Variants in ZC3H12B observed in about 807,000 individuals in gnomAD.
The protein encoded by ZC3H12B is probable ribonuclease ZC3H12B.
A neutral mutation model predicts 43.9 loss-of-function variants in ZC3H12B; 7 were observed. The observed-to-expected ratio is 0.16, with a 90% CI of 0.09 to 0.30. The LOEUF is 0.30. Among genes scored for constraint, ZC3H12B ranks in the 10% least tolerant of loss-of-function variants. The pLI, the probability that ZC3H12B is intolerant of heterozygous loss-of-function variation, is 1.00. For synonymous variants in ZC3H12B, 222 were observed against 241.7 expected (o/e 0.92, Z 0.76); for missense variants, 475 against 670.2 (o/e 0.71, Z 3.22).
the ZC3H12B span, chrX:65,272,810 A>C: frequency 3.6e-5 from 4 of 112,301 alleles, no homozygotes; most frequent in Non-Finnish European, 7.5e-5. Context: ...CTAGCTAAAA[A>C]CACTGGCCTG....
the ZC3H12B span, among the ~76,000 whole-genome samples, chrX:65,329,319 A>C: frequency 9.0e-6 from 1 of 110,969 alleles, no homozygotes; most frequent in East Asian, 2.8e-4. Context: ...GCATTTTTTC[A>C]TGTGTCTGTT....
At chrX:65,302,635 G>T in the ZC3H12B span, among the ~76,000 whole-genome samples, 1 of 111,883 alleles carries the variant, frequency 8.9e-6, no homozygotes, top group Non-Finnish European at 1.9e-5. Context: ...CCAGGAAGTT[G>T]TTTTATGAAT....
chrX:65,439,414 C>T (rs2067272651), intron 3 of ZC3H12B, among the ~76,000 whole-genome samples: 1 of 111,592 alleles, frequency 9.0e-6, no homozygotes, highest in Non-Finnish European at 1.9e-5. Context: ...ATCTAAACAT[C>T]CCCTTATGGG....
intron 3 of ZC3H12B, among the ~76,000 whole-genome samples, chrX:65,455,624 G>C (rs1417015494): frequency 1.8e-5 from 2 of 111,310 alleles, no homozygotes; most frequent in African/African-American, 6.6e-5. Flanking sequence ...GAAATACAGA[G>C]AATGCCACAA....
At chrX:65,468,650 A>ATTTTTTTTTTTTT (rs60716703) in intron 3 of ZC3H12B, among the ~76,000 whole-genome samples, 1 of 74,934 alleles carries the variant, frequency 1.3e-5, no homozygotes, top group African/African-American at 6.0e-5. Context: ...TGCCCGGCTA[A>ATTTTTTTTTTTTT]TTTTTTTTTT....
chrX:65,331,681 A>T, the ZC3H12B span, among the ~76,000 whole-genome samples: 1 of 110,966 alleles, frequency 9.0e-6, no homozygotes, highest in Non-Finnish European at 1.9e-5. Flanking sequence ...GAGCTGTTCA[A>T]CTGAAGATAT....
At chrX:65,093,895 G>C in the ZC3H12B span, among the ~76,000 whole-genome samples, 1 of 110,961 alleles carries the variant, frequency 9.0e-6, no homozygotes, top group African/African-American at 3.3e-5. Flanking sequence ...CAGGTGATTT[G>C]GGAGGGGCCT....
At chrX:65,327,432 A>T in the ZC3H12B span, among the ~76,000 whole-genome samples, 102 of 111,605 alleles carry the variant, frequency 9.1e-4, no homozygotes, top group African/African-American at 3.2e-3. Flanking sequence ...TGTGTCTATT[A>T]TGTTAAAATT....
chrX:65,151,916 G>T, the ZC3H12B span, among the ~76,000 whole-genome samples: 1 of 111,790 alleles, frequency 8.9e-6, no homozygotes, highest in Non-Finnish European at 1.9e-5. Context: ...GGGAGGCAAG[G>T]CTGGTTCAAT....
the ZC3H12B span, among the ~76,000 whole-genome samples, chrX:65,332,322 G>C: frequency 0.083 from 9,133 of 110,660 alleles, 1,024 homozygotes; most frequent in African/African-American, 0.29. Flanking sequence ...GGTATGTCCA[G>C]GGGCATGCTT....
chrX:65,329,988 C>A, the ZC3H12B span, among the ~76,000 whole-genome samples: 3 of 112,074 alleles, frequency 2.7e-5, no homozygotes, highest in Non-Finnish European at 5.6e-5. Flanking sequence ...AACATGATGC[C>A]TCCAGCTTTG....
chrX:65,141,187 A>T, the ZC3H12B span, among the ~76,000 whole-genome samples: 25 of 110,742 alleles, frequency 2.3e-4, no homozygotes, highest in Non-Finnish European at 4.4e-4. Flanking sequence ...GGCATTAATT[A>T]CTAAAAGCTT....
At chrX:65,146,516 T>C in the ZC3H12B span, among the ~76,000 whole-genome samples, 1 of 111,574 alleles carries the variant, frequency 9.0e-6, no homozygotes, top group Non-Finnish European at 1.9e-5. Flanking sequence ...GTGTGATTTT[T>C]GGGGGGTGTT....
the ZC3H12B span, among the ~76,000 whole-genome samples, chrX:65,217,692 CA>C: frequency 9.0e-6 from 1 of 111,341 alleles, no homozygotes; most frequent in African/African-American, 3.3e-5. Context: ...CTTCCAACAG[CA>C]AAGTTAATCA....
At chrX:65,397,180 G>A (rs1037566545) in intron 2 of ZC3H12B, among the ~76,000 whole-genome samples, 2 of 111,547 alleles carry the variant, frequency 1.8e-5, no homozygotes, top group Non-Finnish European at 3.8e-5. Context: ...TTTAATTTGG[G>A]CATTTAGCCC....
At chrX:65,390,140 G>A (rs747429702) in intron 2 of ZC3H12B, among the ~76,000 whole-genome samples, 1 of 110,953 alleles carries the variant, frequency 9.0e-6, no homozygotes, top group African/African-American at 3.3e-5. Context: ...ATCATTTTGA[G>A]CAAACTATTG....
At chrX:65,173,930 G>C in the ZC3H12B span, among the ~76,000 whole-genome samples, 1 of 111,144 alleles carries the variant, frequency 9.0e-6, no homozygotes, top group Non-Finnish European at 1.9e-5. Flanking sequence ...TCTTATGTGG[G>C]GGTCCTTTTT....
the ZC3H12B span, among the ~76,000 whole-genome samples, chrX:65,303,273 C>A: frequency 4.5e-5 from 5 of 110,841 alleles, no homozygotes; most frequent in African/African-American, 1.6e-4. Flanking sequence ...AGGCTTAGTA[C>A]CTGGATGATA....
At chrX:65,319,313 T>C in the ZC3H12B span, among the ~76,000 whole-genome samples, 1 of 111,560 alleles carries the variant, frequency 9.0e-6, no homozygotes, top group Non-Finnish European at 1.9e-5. Context: ...GCACACCAAC[T>C]AGAAAACCTG....
Sources: gnomAD v4.1 joint callset for allele counts (sites outside exome capture counted in the v4.1 genomes callset) on GRCh38, gnomAD v4.1.1 for gene constraint, MANE v1.5 for transcripts, NCBI Gene and HGNC (gene_info 2026-07-23, HGNC 2026-07-21) for gene names.